CEP43: variants seen among roughly 807,000 people sequenced by gnomAD.
The protein encoded by CEP43 is FGFR1 oncogene partner.
Under a neutral mutation model 52.6 loss-of-function variants are expected in CEP43, and 36 were observed. The observed-to-expected ratio is 0.68, with a 90% CI of 0.52 to 0.90. The LOEUF (loss-of-function observed/expected upper bound fraction) is 0.90, where lower values mean the gene tolerates loss of function less well. CEP43 is among the 40% of genes least tolerant of loss of function. CEP43 has a pLI of 0.00. For missense variants in CEP43, 506 were observed against 472.8 expected (o/e 1.07, Z -0.65); for synonymous variants, 192 against 172.4 (o/e 1.11, Z -0.89).
rs1780524229 is a variant in CEP43, at chr6:167,033,787, A to C, written c.1029-88A>C. The stretch of plus-strand genomic sequence containing the variant: ...ATATTATATTTTACTTAAAGGATTA[A>C]AAGAAATATCTGAATGTTTAAAGAA... On this transcript the variant is annotated intron_variant, in intron 11 of 12. Coordinates refer to ENST00000366847, the MANE Select transcript of CEP43 (RefSeq NM_007045.4). The C allele has an allele frequency of 2.3e-5, 13 of 576,364 alleles. No individual in the cohort carries two copies. The East Asian group carries it at 4.0e-4, about 18-fold the overall frequency. 35.7% of individuals were successfully genotyped at this position (576,364 alleles called of 1,614,324 possible).
In CEP43 at chr6:167,045,199, C is replaced by G. The variant is rs1417830403; in HGVS notation, c.*5221C>G. 6.6e-6 allele frequency: 1 copy of G among 150,978 alleles called. No homozygotes were observed. Among genetic ancestry groups the G allele is most frequent in the Non-Finnish European group, 1.5e-5 (1 of 68,118 alleles). 9.4% of individuals were successfully genotyped at this position (150,978 alleles called of 1,614,324 possible). A position where few individuals can be genotyped will look rare whatever the true frequency, so the allele number is the denominator to read the frequency against. ...CACTGCAACCTCTGCCTCCCAGGTTCAAGCGATTCTCCTGCCTCAGCCTCC... is the reference window on the plus strand; with the variant it reads ...CACTGCAACCTCTGCCTCCCAGGTTGAAGCGATTCTCCTGCCTCAGCCTCC... On this transcript the variant is annotated 3_prime_UTR_variant, in exon 13 of 13. Transcript: ENST00000366847.
intron 5 of CEP43, among the ~76,000 whole-genome samples, chr6:167,009,549 G>C (rs543276193): frequency 6.7e-6 from 1 of 148,328 alleles, no homozygotes; most frequent in Non-Finnish European, 1.5e-5. Flanking sequence ...TTAGCTGGGC[G>C]TGGTACTCGG....
At chr6:167,013,759 A>G (rs1204219234) in intron 7 of CEP43, among the ~76,000 whole-genome samples, 192 bp downstream of exon 7, 1 of 152,224 alleles carries the variant, frequency 6.6e-6, no homozygotes, top group African/African-American at 2.4e-5. Flanking sequence ...GGATCACTTG[A>G]GGTCAGGAGT....
chr6:167,030,414 C>A (rs13195812), intron 10 of CEP43, among the ~76,000 whole-genome samples: 1 of 151,988 alleles, frequency 6.6e-6, no homozygotes, highest in East Asian at 1.9e-4. Flanking sequence ...TTCTCCTTCT[C>A]GGCCCTGACA....
intron 10 of CEP43, chr6:167,028,057 G>C: frequency 3.0e-6 from 3 of 985,486 alleles, no homozygotes; most frequent in East Asian, 1.1e-4. Flanking sequence ...GTTGCCATTA[G>C]ATGTTCTTTT....
At chr6:167,006,182 C>A (rs1779847640) in intron 5 of CEP43, among the ~76,000 whole-genome samples, 1 of 152,176 alleles carries the variant, frequency 6.6e-6, no homozygotes, top group South Asian at 2.1e-4. Context: ...CTGTGTGTTA[C>A]TGTAGTAGGC....
chr6:166,999,777 G>T (rs1452906472), intron 1 of CEP43: 2 of 526,080 alleles, frequency 3.8e-6, no homozygotes, highest in Non-Finnish European at 6.6e-6. Context: ...GGGACCGCGG[G>T]GCTTGGGGGC....
intron 1 of CEP43, 59 bp from the exon 2 acceptor site, chr6:167,000,001 A>T: frequency 7.0e-7 from 1 of 1,436,714 alleles, no homozygotes; most frequent in East Asian, 2.3e-5. Context: ...GATAAATGTG[A>T]GCTTGTTGTG....
chr6:167,036,482 T>G, intron 12 of CEP43: 1 of 985,402 alleles, frequency 1.0e-6, no homozygotes, highest in Non-Finnish European at 1.2e-6. Flanking sequence ...AGGTAGATGT[T>G]GGAGGAAGAG....
At chr6:167,033,605 G>C (rs1272323331) in intron 11 of CEP43, among the ~76,000 whole-genome samples, 1 of 152,010 alleles carries the variant, frequency 6.6e-6, no homozygotes, top group Non-Finnish European at 1.5e-5. Flanking sequence ...AGATGAAATT[G>C]TAAAAATCTG....
chr6:166,999,444 A>G lies in CEP43; in HGVS notation c.32A>G (p.Glu11Gly), dbSNP rs1779672417. Residue 11 changes from glutamate to glycine, a missense_variant, in exon 1 of 13, where the codon GAG (glutamate) becomes GGG (glycine). By Grantham distance (98) the Glu-to-Gly change is moderately conservative (BLOSUM62 -2). Coordinates refer to ENST00000366847, the MANE Select transcript of CEP43 (RefSeq NM_007045.4). ...GCGACGGCGGCCGCAGTGGTGGCCG[A>G]GGAGGACACGGAGCTGCGGGACCTG... is the stretch of plus-strand genomic sequence containing the variant. MAATAAAVVA[E>G]EDTELRDLLV... 6.1e-6 allele frequency: 9 copies of G among 1,481,192 alleles called. No homozygotes were observed. Among genetic ancestry groups the G allele is most frequent in the Non-Finnish European group, 8.1e-6 (9 of 1,113,314 alleles). The allele number at this position is 1,481,192 out of a possible 1,614,324, so 91.8% of individuals were successfully genotyped here.
chr6:167,008,914 TAAG>T (rs1779915852), intron 5 of CEP43, among the ~76,000 whole-genome samples: 3 of 152,202 alleles, frequency 2.0e-5, no homozygotes, highest in South Asian at 4.1e-4. Context: ...GTGAAACACA[TAAG>T]AAGGCAAATC....
chr6:167,022,396 C>T lies in CEP43; in HGVS notation c.580-13C>T. 1 of 1,585,712 alleles carries T rather than the reference C, an allele frequency of 6.3e-7. No individual in the cohort carries two copies. The stretch of plus-strand genomic sequence containing the variant: ...TCACCAAGGAGGCCTTTTCTCTTTC[C>T]CTCTCTTTCTAGAAGGCCAATGATG... On this transcript the variant is annotated splice_polypyrimidine_tract_variant and intron_variant, in intron 7 of 12. Coordinates refer to ENST00000366847, the MANE Select transcript of CEP43 (RefSeq NM_007045.4).
intron 12 of CEP43, among the ~76,000 whole-genome samples, chr6:167,039,383 C>T (rs1268135260): frequency 6.6e-6 from 1 of 152,226 alleles, no homozygotes; most frequent in Non-Finnish European, 1.5e-5. Context: ...CCTGCCTCAG[C>T]TTCCCAAAGG....
chr6:166,999,534 C>T lies in CEP43; in HGVS notation c.102+20C>T. ...ATCAAGGTGAGGCCGGAGGCTGGGG[C>T]CGGGCCTGGCGGATCCGCAGGGCTT... On this transcript the variant is annotated intron_variant, in intron 1 of 12. Coordinates refer to ENST00000366847, the MANE Select transcript of CEP43 (RefSeq NM_007045.4). 2.1e-6 allele frequency: 3 copies of T among 1,400,960 alleles called. No individual in the cohort carries two copies. The highest frequency in any genetic ancestry group is 2.6e-4 in the Middle Eastern group (1 of 3,906). The allele number at this position is 1,400,960 out of a possible 1,614,324, so 86.8% of individuals were successfully genotyped here. A position where few individuals can be genotyped will look rare whatever the true frequency, so the allele number is the denominator to read the frequency against.
chr6:167,024,830 T>G lies in CEP43; in HGVS notation c.855T>G (p.Asp285Glu). 1 of 1,613,240 alleles carries G rather than the reference T, an allele frequency of 6.2e-7. No homozygotes were observed. Reference protein sequence around the residue: ...KQAGSLASLSDAPPLKSGLSS... With the variant: ...KQAGSLASLSEAPPLKSGLSS... ...CAGGAAGTCTGGCCTCGCTCTCGGA[T>G]GCACCCCCCTTAAAAAGTGGACTCA... The change falls in exon 9 of 13, where the codon GAT becomes GAG. Residue 285 changes from aspartate (D) to glutamate (E), a missense_variant. Transcript: ENST00000366847.
At chr6:167,005,572 A>G (rs1779832686) in intron 5 of CEP43, among the ~76,000 whole-genome samples, 1 of 152,254 alleles carries the variant, frequency 6.6e-6, no homozygotes, top group African/African-American at 2.4e-5. Context: ...GCAGGAGAGC[A>G]TAGCCAGATC....
At chr6:167,032,986 G>A (rs559291667) in intron 11 of CEP43, among the ~76,000 whole-genome samples, 61 of 151,872 alleles carry the variant, frequency 4.0e-4, no homozygotes, top group African/African-American at 1.4e-3. Context: ...TTTTGTGGCG[G>A]GAATTGTCTC....
In CEP43 at chr6:166,999,506, C is replaced by T. The variant is rs1779674757; in HGVS notation, c.94C>T (p.Arg32Cys). The change falls in exon 1 of 13, where the codon CGC becomes TGC. Residue 32 changes from arginine to cysteine, a missense_variant. Transcript: ENST00000366847. ...GCTGGAGAACAGCGGGGTCCTGAAC[C>T]GCATCAAGGTGAGGCCGGAGGCTGG... ...QTLENSGVLN[R>C]IKAELRAAVF... 1 of 1,448,430 alleles carries T rather than the reference C, an allele frequency of 6.9e-7. No homozygotes were observed. Among genetic ancestry groups the T allele is most frequent in the African/African-American group, 1.5e-5 (1 of 68,000 alleles). The allele number at this position is 1,448,430 out of a possible 1,614,324, so 89.7% of individuals were successfully genotyped here.
Sources: allele counts gnomAD v4.1 joint callset (sites outside exome capture counted in the v4.1 genomes callset), GRCh38; gene constraint gnomAD v4.1.1; transcripts MANE v1.5; gene names NCBI Gene and HGNC (gene_info 2026-07-23, HGNC 2026-07-21).